The following TSPAN9 variants were observed in gnomAD, a reference collection of about 807,000 sequenced individuals.
TSPAN9 encodes tetraspanin 9.
A neutral mutation model predicts 31.0 loss-of-function variants in TSPAN9; 16 were observed. The observed-to-expected ratio is 0.52, with a 90% CI of 0.35 to 0.78. The LOEUF (loss-of-function observed/expected upper bound fraction) is 0.78. Among genes scored for constraint, TSPAN9 ranks in the 30% least tolerant of loss-of-function variants. TSPAN9 has a pLI of 0.01. For missense variants in TSPAN9, 272 were observed against 312.5 expected (o/e 0.87, Z 0.98); for synonymous variants, 145 against 121.6 (o/e 1.19, Z -1.27).
chr12:3,236,685 G>A (rs1406740469), intron 3 of TSPAN9, among the ~76,000 whole-genome samples: 1 of 152,196 alleles, frequency 6.6e-6, no homozygotes, highest in Non-Finnish European at 1.5e-5. Flanking sequence ...GTAAGCCTGG[G>A]TCTGTGCTTC....
chr12:3,106,607 CA>C (rs2098314813), intron 2 of TSPAN9, among the ~76,000 whole-genome samples: 1 of 151,820 alleles, frequency 6.6e-6, no homozygotes, highest in East Asian at 1.9e-4. Flanking sequence ...CCTGTCTCTG[CA>C]AAAAATAAAA....
intron 2 of TSPAN9, among the ~76,000 whole-genome samples, chr12:3,084,983 G>C (rs1267435716): frequency 6.6e-6 from 1 of 152,208 alleles, no homozygotes; most frequent in Non-Finnish European, 1.5e-5. Context: ...ATGGGTGTCT[G>C]CTTTCATTCT....
chr12:3,280,403 G>T lies in TSPAN9; in HGVS notation c.352G>T (p.Asp118Tyr), dbSNP rs1206159349. Reference protein sequence around the residue: ...MDKVNENAKKDLKEGLLLYHT... With the variant: ...MDKVNENAKKYLKEGLLLYHT... The stretch of plus-strand genomic sequence containing the variant: ...GCAGGTGAACGAGAACGCCAAGAAG[G>T]ACCTGAAGGAAGGCCTGCTGCTGTA... Residue 118 changes from aspartate (D) to tyrosine (Y), a missense_variant, in exon 6 of 9, where the codon GAC becomes TAC. By Grantham distance (160) the Asp-to-Tyr change is radical. Transcript: ENST00000011898. This position sits in a 1 kb window ranked among gnomAD's most constrained non-coding sequence, Gnocchi z 4.5. 1.9e-6 allele frequency: 3 copies of T among 1,613,372 alleles called. No individual in the cohort carries two copies. Among genetic ancestry groups the T allele is most frequent in the Admixed American group, 1.7e-5 (1 of 60,030 alleles).
chr12:3,259,195 C>T (rs756207728), intron 3 of TSPAN9, among the ~76,000 whole-genome samples: 2 of 152,208 alleles, frequency 1.3e-5, no homozygotes, highest in Non-Finnish European at 2.9e-5. Flanking sequence ...ACAGGTATTT[C>T]GCCTCACTGG....
rs180898645 is a variant in TSPAN9 at position 3,171,328 on chromosome 12, C to A, written c.-17-29849C>A. Among the ~76,000 whole-genome samples the A allele has an allele frequency of 2.7e-4, 41 of 152,206 alleles. No individual in the cohort carries two copies. The South Asian group carries it at 3.5e-3, about 13-fold the overall frequency. ...CCTGGTTTTGTGCACTGCCGTAAAC[C>A]CAGTAACTAGATCACATGACTAATC... On this transcript the variant is annotated intron_variant, in intron 2 of 8. Transcript: ENST00000011898.
chr12:3,275,629 A>C (rs1265980332), intron 3 of TSPAN9, among the ~76,000 whole-genome samples: 2 of 152,230 alleles, frequency 1.3e-5, no homozygotes, highest in African/African-American at 2.4e-5. Flanking sequence ...AGCGCCACCT[A>C]GTGGCCGTAG....
intron 2 of TSPAN9, among the ~76,000 whole-genome samples, chr12:3,087,248 A>G (rs1010057108): frequency 4.6e-5 from 7 of 152,204 alleles, no homozygotes; most frequent in African/African-American, 1.7e-4. Context: ...GGCCAGACAC[A>G]GTGGCTGTCA....
chr12:3,102,435 A>T (rs1487727176), intron 2 of TSPAN9, among the ~76,000 whole-genome samples: 4 of 135,250 alleles, frequency 3.0e-5, no homozygotes, highest in Non-Finnish European at 6.2e-5. Context: ...CCAAGGAGGA[A>T]TTTTTTTTTT....
At chr12:3,230,150 C>A (rs909186066) in intron 3 of TSPAN9, among the ~76,000 whole-genome samples, 2 of 152,198 alleles carry the variant, frequency 1.3e-5, no homozygotes, top group African/African-American at 4.8e-5. Context: ...TGGAGGCGTC[C>A]CCATCACTGG....
intron 3 of TSPAN9, among the ~76,000 whole-genome samples, chr12:3,270,399 T>C (rs1279876532): frequency 1.3e-5 from 2 of 152,222 alleles, no homozygotes; most frequent in Non-Finnish European, 2.9e-5. Flanking sequence ...GTCCTTGCTA[T>C]CTAGGCATCG....
rs560862025 is a variant in TSPAN9, at chr12:3,176,799, C to A, written c.-17-24378C>A. On this transcript the variant is annotated intron_variant, in intron 2 of 8. Transcript: ENST00000011898. ...CCACACCTGGCTGAGAATCGTGCAC[C>A]TTTCAGGCCCTCCTGAGTTGCCTGG... Among the ~76,000 whole-genome samples the A allele has an allele frequency of 5.3e-4, 80 of 152,344 alleles. 1 individual carries two copies. Among genetic ancestry groups the A allele is most frequent in the Non-Finnish European group, 9.7e-4 (66 of 68,042 alleles).
At chr12:3,221,638 C>T (rs898408490) in intron 3 of TSPAN9, among the ~76,000 whole-genome samples, 4 of 152,090 alleles carry the variant, frequency 2.6e-5, no homozygotes, top group South Asian at 2.1e-4. Context: ...GGATTATAGG[C>T]GTGAGCCACC....
rs1221095323 is a variant in TSPAN9 at position 3,268,149 on chromosome 12, GCCCTCCGTGCATTCCTGCAGCCTA to G, written c.64-10261_64-10238del. Among the ~76,000 whole-genome samples the G allele has an allele frequency of 5.0e-3, 744 of 148,920 alleles. 68 individuals carry two copies. Among genetic ancestry groups the G allele is most frequent in the Middle Eastern group, 0.015 (4 of 274 alleles). On this transcript the variant is annotated intron_variant, in intron 3 of 8. Coordinates refer to ENST00000011898, the MANE Select transcript of TSPAN9 (RefSeq NM_006675.5). ...GCCTATTCCGTAGGTGCTGCAGCCT[GCCCTCCGTGCATTCCTGCAGCCTA>G]CCCTCCGTGCGTTCCTGCAGCCTGC...
At chr12:3,087,636 T>A (rs1470086703) in intron 2 of TSPAN9, among the ~76,000 whole-genome samples, 2 of 151,502 alleles carry the variant, frequency 1.3e-5, no homozygotes, top group Admixed American at 6.6e-5. Context: ...TGAAACCCCA[T>A]CTCTACTAAA....
At chr12:3,139,419 T>C (rs1340149306) in intron 2 of TSPAN9, among the ~76,000 whole-genome samples, 1 of 152,084 alleles carries the variant, frequency 6.6e-6, no homozygotes, top group East Asian at 1.9e-4. Flanking sequence ...TCCCCTGCCG[T>C]GCAGTGGAGG....
chr12:3,153,563 T>C (rs1451799594), intron 2 of TSPAN9, among the ~76,000 whole-genome samples: 1 of 152,136 alleles, frequency 6.6e-6, no homozygotes, highest in Admixed American at 6.5e-5. Context: ...CATCACACTT[T>C]CAAGTGGTTA....
At chr12:3,269,364 C>G (rs1344607952) in intron 3 of TSPAN9, among the ~76,000 whole-genome samples, 3 of 70,326 alleles carry the variant, frequency 4.3e-5, no homozygotes, top group African/African-American at 1.1e-4. Context: ...CCTGCCCTCC[C>G]TGTGTTCCTG....
At chr12:3,158,080 A>C (rs1160474367) in intron 2 of TSPAN9, among the ~76,000 whole-genome samples, 1 of 152,152 alleles carries the variant, frequency 6.6e-6, no homozygotes, top group African/African-American at 2.4e-5. Context: ...GCGGCTTTTC[A>C]GTGCCTGCGG....
At chr12:3,178,880 T>C (rs1035666699) in intron 2 of TSPAN9, among the ~76,000 whole-genome samples, 1 of 152,206 alleles carries the variant, frequency 6.6e-6, no homozygotes, top group African/African-American at 2.4e-5. Context: ...CTGTGGGGGA[T>C]CTGATGGACA....
Sources: gnomAD v4.1 joint callset for allele counts (sites outside exome capture counted in the v4.1 genomes callset) on GRCh38, gnomAD v4.1.1 for gene constraint, Gnocchi (gnomAD v3.1) non-coding constraint, MANE v1.5 for transcripts, NCBI Gene and HGNC (gene_info 2026-07-23, HGNC 2026-07-21) for gene names.